Variants in GRB10 observed in about 807,000 individuals in gnomAD.
The protein encoded by GRB10 is growth factor receptor bound protein 10, also known as growth factor receptor-bound protein 10.
In GRB10, 20 loss-of-function variants were observed where a neutral mutation model predicts 80.9. The ratio of observed to expected loss-of-function variants is 0.25; its 90% CI spans 0.17 to 0.36. The LOEUF (loss-of-function observed/expected upper bound fraction) is 0.36, where lower values mean the gene tolerates loss of function less well. Ranked by LOEUF, GRB10 falls within the 10% of genes least tolerant of loss-of-function variation. The pLI, the probability that GRB10 is intolerant of heterozygous loss-of-function variation, is 1.00. For missense variants in GRB10, 548 were observed against 747.7 expected, an observed-to-expected ratio of 0.73 and a Z score of 3.12; for synonymous variants, 291 against 291.5, an observed-to-expected ratio of 1.00 and a Z score of 0.02.
rs1245851161 is a variant in GRB10 at position 50,591,467 on chromosome 7, A to T, written c.*1485T>A. 6.6e-6 allele frequency: 1 copy of T among 152,286 alleles called. No homozygotes were observed. Among genetic ancestry groups the T allele is most frequent in the Non-Finnish European group, 1.5e-5 (1 of 68,118 alleles). The allele number at this position is 152,286 out of a possible 1,614,324, so 9.4% of individuals were successfully genotyped here. A position where few individuals can be genotyped will look rare whatever the true frequency, so the allele number is the denominator to read the frequency against. On this transcript the variant is annotated 3_prime_UTR_variant, in exon 19 of 19. Coordinates refer to ENST00000401949, the MANE Select transcript of GRB10 (RefSeq NM_001350814.2). ...CAGGCAGGTGTTGTCTTGAAAAAGGAAATCATTCTGCTCACCACAGTAGTT... is the reference window on the plus strand; with the variant it reads ...CAGGCAGGTGTTGTCTTGAAAAAGGTAATCATTCTGCTCACCACAGTAGTT...
chr7:50,660,840 G>T (rs891593683), intron 7 of GRB10, among the ~76,000 whole-genome samples: 1 of 124,502 alleles, frequency 8.0e-6, no homozygotes, highest in Non-Finnish European at 1.9e-5. Context: ...TATCCATCCC[G>T]CCAGGGCCAA....
At chr7:50,753,742 G>A (rs1424226381) in intron 3 of GRB10, among the ~76,000 whole-genome samples, 1 of 152,186 alleles carries the variant, frequency 6.6e-6, no homozygotes, top group African/African-American at 2.4e-5. Context: ...AGACTAAGTG[G>A]GAAACGAAGT....
At chr7:50,595,284 C>A (rs1005734274) in intron 18 of GRB10, among the ~76,000 whole-genome samples, 153 bp downstream of exon 18, 2 of 152,186 alleles carry the variant, frequency 1.3e-5, no homozygotes, top group African/African-American at 4.8e-5. Flanking sequence ...TTTCAAAAGA[C>A]AAACCTGTAA....
At chr7:50,672,923 A>G (rs1020084086) in intron 6 of GRB10, among the ~76,000 whole-genome samples, 3 of 152,236 alleles carry the variant, frequency 2.0e-5, no homozygotes, top group African/African-American at 7.2e-5. Flanking sequence ...GACAGGCATC[A>G]TTCAGCATCA....
At chr7:50,610,154 C>T (rs77556832) in intron 13 of GRB10, among the ~76,000 whole-genome samples, 2,655 of 152,226 alleles carry the variant, frequency 0.017, 62 homozygotes, top group African/African-American at 0.061. Context: ...AGCACACACA[C>T]GGGATGCCTT....
chr7:50,616,108 G>A, intron 11 of GRB10, 102 bp downstream of exon 11: 3 of 1,345,274 alleles, frequency 2.2e-6, no homozygotes, highest in South Asian at 1.2e-5. Flanking sequence ...GCTTGGAGGA[G>A]TCTAAGGTGC....
intron 8 of GRB10, among the ~76,000 whole-genome samples, chr7:50,625,188 A>T (rs2052653714): frequency 6.6e-6 from 1 of 152,274 alleles, no homozygotes; most frequent in East Asian, 1.9e-4. Context: ...CATTCCTTAT[A>T]TGTTAAAATT....
At chr7:50,635,851 T>A (rs181056215) in intron 7 of GRB10, among the ~76,000 whole-genome samples, 1 of 111,466 alleles carries the variant, frequency 9.0e-6, no homozygotes, top group Admixed American at 1.0e-4. Flanking sequence ...AAATCCTAAA[T>A]AGACAAGTAG....
chr7:50,765,244 T>C (rs1282123731), intron 2 of GRB10, among the ~76,000 whole-genome samples: 3 of 152,212 alleles, frequency 2.0e-5, no homozygotes, highest in Non-Finnish European at 4.4e-5. Context: ...GCAGCCCCCA[T>C]GGAGAACAAT....
At chr7:50,745,183 C>T (rs2072683709) in intron 3 of GRB10, among the ~76,000 whole-genome samples, 3 of 152,126 alleles carry the variant, frequency 2.0e-5, no homozygotes, top group African/African-American at 2.4e-5. Context: ...TCACACAGTT[C>T]AAATCCATGT....
chr7:50,742,735 G>T (rs376776331), intron 3 of GRB10, among the ~76,000 whole-genome samples: 4 of 152,104 alleles, frequency 2.6e-5, no homozygotes, highest in Non-Finnish European at 5.9e-5. Flanking sequence ...GGATGGGGAG[G>T]GGGTGGGGGG....
At chr7:50,687,952 T>C (rs1358440326) in intron 5 of GRB10, among the ~76,000 whole-genome samples, 1 of 152,264 alleles carries the variant, frequency 6.6e-6, no homozygotes, top group African/African-American at 2.4e-5. Context: ...GTATTCCTCG[T>C]CTGTTCTGCT....
chr7:50,680,558 T>C lies in GRB10; in HGVS notation c.140-5900A>G, dbSNP rs117520155. ...GGGCTCCAATCAGTGCTGGTGCCTA[T>C]GGAGACTCAGAAGTCTCCACTCCGA... is the stretch of plus-strand genomic sequence containing the variant. On this transcript the variant is annotated intron_variant, in intron 5 of 18. Transcript: ENST00000401949. 5.7e-4 allele frequency among the ~76,000 whole-genome samples: 87 copies of C among 152,344 alleles called. 1 individual carries two copies. In the East Asian group the frequency reaches 0.016, roughly 27 times the overall value.
chr7:50,686,659 GACAA>G (rs1424619587), intron 5 of GRB10, among the ~76,000 whole-genome samples: 1 of 152,124 alleles, frequency 6.6e-6, no homozygotes, highest in African/African-American at 2.4e-5. Flanking sequence ...TAATCAGCAT[GACAA>G]ACAAAAGCCA....
rs13243077 is a variant in GRB10, at chr7:50,775,994, G to T, written c.-217+4633C>A. Among the ~76,000 whole-genome samples the T allele has an allele frequency of 3.5e-3, 537 of 152,226 alleles. 3 individuals are homozygous for T. The highest frequency in any genetic ancestry group is 6.0e-3 in the Non-Finnish European group (411 of 68,010). On this transcript the variant is annotated intron_variant, in intron 2 of 18. Coordinates refer to ENST00000401949, the MANE Select transcript of GRB10 (RefSeq NM_001350814.2). Reference sequence around the variant, plus strand: ...CCTTTGACATAAGTTCTGTTCCCTGGGCCTTGGTACTCTGGGCCTCTGATG... The same window carrying T: ...CCTTTGACATAAGTTCTGTTCCCTGTGCCTTGGTACTCTGGGCCTCTGATG...
intron 18 of GRB10, among the ~76,000 whole-genome samples, chr7:50,595,179 C>T (rs1351347948): frequency 1.3e-5 from 2 of 152,184 alleles, no homozygotes; most frequent in Non-Finnish European, 2.9e-5. Flanking sequence ...CCCATCAGTA[C>T]CCTTTCTGCT....
At chr7:50,628,711 C>CG (rs796756879) in intron 7 of GRB10, among the ~76,000 whole-genome samples, 22 of 152,282 alleles carry the variant, frequency 1.4e-4, no homozygotes, top group African/African-American at 5.3e-4. Flanking sequence ...CTGCCACCTA[C>CG]GGGCCACTTC....
intron 11 of GRB10, 59 bp downstream of exon 11, chr7:50,616,151 A>G (rs2050597495): frequency 6.2e-7 from 1 of 1,605,794 alleles, no homozygotes; most frequent in Admixed American, 1.7e-5. Context: ...CACTCTGAGG[A>G]CCTGGGGGGA....
At chr7:50,683,306 A>G (rs930512071) in intron 5 of GRB10, among the ~76,000 whole-genome samples, 1 of 152,174 alleles carries the variant, frequency 6.6e-6, no homozygotes, top group Non-Finnish European at 1.5e-5. Context: ...GGGGCTAGGG[A>G]AGGAAATGGG....
Sources: allele counts gnomAD v4.1 joint callset (sites outside exome capture counted in the v4.1 genomes callset), GRCh38; gene constraint gnomAD v4.1.1; transcripts MANE v1.5; gene names NCBI Gene and HGNC (gene_info 2026-07-23, HGNC 2026-07-21).